KHDRBS2: variants seen among roughly 807,000 people sequenced by gnomAD.
KHDRBS2 encodes the protein KH domain-containing, RNA-binding, signal transduction-associated protein 2.
A neutral mutation model predicts 44.3 loss-of-function variants in KHDRBS2; 26 were observed. The observed-to-expected ratio is 0.59, with a 90% CI of 0.43 to 0.81. KHDRBS2 has a LOEUF of 0.81. Among genes scored for constraint, KHDRBS2 ranks in the 40% least tolerant of loss-of-function variants. The pLI is 0.00. For missense variants in KHDRBS2, 476 were observed against 433.1 expected (o/e 1.10, Z -0.88); for synonymous variants, 194 against 151.1 (o/e 1.28, Z -2.08).
chr6:62,138,850 C>T (rs73758681), intron 2 of KHDRBS2, among the ~76,000 whole-genome samples: 1,541 of 152,224 alleles, frequency 0.01, 29 homozygotes, highest in African/African-American at 0.035. Context: ...AACAAACCTG[C>T]ATCTTCAGTG....
intron 2 of KHDRBS2, among the ~76,000 whole-genome samples, chr6:62,094,807 C>A (rs1256247163): frequency 6.6e-6 from 1 of 151,722 alleles, no homozygotes; most frequent in African/African-American, 2.4e-5. Flanking sequence ...CACCATTTAT[C>A]GAGGGGTCTC....
At chr6:61,551,053 C>T in the KHDRBS2 span, among the ~76,000 whole-genome samples, 8 of 151,988 alleles carry the variant, frequency 5.3e-5, no homozygotes, top group South Asian at 2.1e-4. Flanking sequence ...GGATTACAGG[C>T]GTGAGTCACC....
intron 6 of KHDRBS2, among the ~76,000 whole-genome samples, chr6:61,745,778 G>T (rs1776772938): frequency 6.6e-6 from 1 of 152,054 alleles, no homozygotes; most frequent in African/African-American, 2.4e-5. Flanking sequence ...TTCTAAAAGG[G>T]TCTTTTTCAC....
At chr6:61,578,444 T>C in the KHDRBS2 span, among the ~76,000 whole-genome samples, 2 of 152,178 alleles carry the variant, frequency 1.3e-5, no homozygotes, top group African/African-American at 4.8e-5. Flanking sequence ...TTTTATAGAA[T>C]GAATTTTGCA....
At chr6:61,696,237 T>TTTTTTTTA (rs1554162476) in intron 8 of KHDRBS2, among the ~76,000 whole-genome samples, 1 of 146,122 alleles carries the variant, frequency 6.8e-6, no homozygotes, top group African/African-American at 2.5e-5. Flanking sequence ...CATATATGTA[T>TTTTTTTTA]TTTATTTATT....
chr6:61,963,822 G>A (rs1769300849), intron 4 of KHDRBS2, among the ~76,000 whole-genome samples: 1 of 151,928 alleles, frequency 6.6e-6, no homozygotes, highest in African/African-American at 2.4e-5. Context: ...GTTTCTTCTC[G>A]ATAACTAAAG....
At chr6:61,780,754 T>C (rs1361538526) in intron 6 of KHDRBS2, among the ~76,000 whole-genome samples, 1 of 152,078 alleles carries the variant, frequency 6.6e-6, no homozygotes, top group East Asian at 1.9e-4. Flanking sequence ...TGTAGCTGTT[T>C]GACAAAATAG....
chr6:62,194,321 A>T (rs1825192669), intron 1 of KHDRBS2, among the ~76,000 whole-genome samples: 1 of 151,796 alleles, frequency 6.6e-6, no homozygotes, highest in Admixed American at 6.6e-5. Flanking sequence ...TGTTGAAATG[A>T]CTATTTTTTT....
chr6:62,255,734 T>A (rs990544136), intron 1 of KHDRBS2, among the ~76,000 whole-genome samples: 1 of 151,962 alleles, frequency 6.6e-6, no homozygotes, highest in East Asian at 1.9e-4. Context: ...TGGTACTCCA[T>A]CTCAGAATAC....
intron 6 of KHDRBS2, among the ~76,000 whole-genome samples, chr6:61,767,061 C>G (rs1322395232): frequency 6.6e-6 from 1 of 152,014 alleles, no homozygotes; most frequent in African/African-American, 2.4e-5. Flanking sequence ...GTGTTGAATT[C>G]TGTAGCTATT....
At chr6:62,101,112 C>A (rs1245498420) in intron 2 of KHDRBS2, among the ~76,000 whole-genome samples, 3 of 152,132 alleles carry the variant, frequency 2.0e-5, no homozygotes, top group African/African-American at 4.8e-5. Flanking sequence ...AATGTTCAGG[C>A]AGTTGTTTTT....
chr6:61,787,105 A>G (rs2127583603), intron 6 of KHDRBS2, among the ~76,000 whole-genome samples: 1 of 150,436 alleles, frequency 6.6e-6, no homozygotes, highest in East Asian at 1.9e-4. Flanking sequence ...TCTTAAAAGT[A>G]TGCTATTTTG....
chr6:61,796,120 C>A (rs926671852), intron 6 of KHDRBS2, among the ~76,000 whole-genome samples: 2 of 151,884 alleles, frequency 1.3e-5, no homozygotes, highest in Non-Finnish European at 2.9e-5. Context: ...ATTTAAATTC[C>A]ATTTTCTAGA....
At chr6:61,685,994 A>G (rs1044281138) in intron 8 of KHDRBS2, among the ~76,000 whole-genome samples, 7 of 151,758 alleles carry the variant, frequency 4.6e-5, no homozygotes, top group African/African-American at 1.4e-4. Flanking sequence ...TTTAATGTTT[A>G]TCTTTCAGGA....
the KHDRBS2 span, among the ~76,000 whole-genome samples, chr6:61,593,569 A>G: frequency 6.6e-6 from 1 of 151,936 alleles, no homozygotes; most frequent in Non-Finnish European, 1.5e-5. Flanking sequence ...ATTTATTTGC[A>G]AAATAAATTT....
At chr6:62,222,744 C>A (rs1831116578) in intron 1 of KHDRBS2, among the ~76,000 whole-genome samples, 1 of 152,142 alleles carries the variant, frequency 6.6e-6, no homozygotes, top group African/African-American at 2.4e-5. Flanking sequence ...GGGTTACAGG[C>A]CCCATGCAAC....
chr6:61,574,686 C>T, the KHDRBS2 span, among the ~76,000 whole-genome samples: 47 of 152,178 alleles, frequency 3.1e-4, no homozygotes, highest in African/African-American at 1.0e-3. Context: ...CAGGTGGATA[C>T]CTGAGATCAG....
At chr6:62,195,609 C>T (rs565565335) in intron 1 of KHDRBS2, among the ~76,000 whole-genome samples, 1 of 152,172 alleles carries the variant, frequency 6.6e-6, no homozygotes, top group African/African-American at 2.4e-5. Flanking sequence ...GAAATAATGG[C>T]AGCACTCAGA....
intron 6 of KHDRBS2, among the ~76,000 whole-genome samples, chr6:61,745,700 G>A (rs1416964302): frequency 2.6e-5 from 4 of 152,118 alleles, no homozygotes; most frequent in Admixed American, 1.3e-4. Context: ...AAAGGGCATA[G>A]ACATATCTTA....
Sources: gnomAD v4.1 joint callset for allele counts (sites outside exome capture counted in the v4.1 genomes callset) on GRCh38, gnomAD v4.1.1 for gene constraint, MANE v1.5 for transcripts, NCBI Gene and HGNC (gene_info 2026-07-23, HGNC 2026-07-21) for gene names.